Variants in MAPK10 observed in about 807,000 individuals in gnomAD.
MAPK10 encodes the protein mitogen-activated protein kinase 10.
Under a neutral mutation model 59.3 loss-of-function variants are expected in MAPK10, and 25 were observed. The observed-to-expected ratio is 0.42, with a 90% CI of 0.31 to 0.59. MAPK10 has a LOEUF of 0.59. Ranked by LOEUF, MAPK10 falls within the 20% of genes least tolerant of loss-of-function variation. The pLI is 0.15. For missense variants in MAPK10, 351 were observed against 568.9 expected, an observed-to-expected ratio of 0.62 and a Z score of 3.90; for synonymous variants, 190 against 200.5, an observed-to-expected ratio of 0.95 and a Z score of 0.44.
At chr4:86,395,351 T>C (rs1460267203) in intron 1 of MAPK10, among the ~76,000 whole-genome samples, 2 of 152,234 alleles carry the variant, frequency 1.3e-5, no homozygotes, top group Non-Finnish European at 2.9e-5. Context: ...ATAATTCCTA[T>C]TTTTTAGCTA....
intron 1 of MAPK10, among the ~76,000 whole-genome samples, chr4:86,546,772 G>A (rs1223319047): frequency 6.6e-6 from 1 of 152,112 alleles, no homozygotes; most frequent in Admixed American, 6.5e-5. Flanking sequence ...AAGTTCAAAA[G>A]GGGCTGGGCG....
chr4:86,338,168 G>A (rs181047128), intron 2 of MAPK10, among the ~76,000 whole-genome samples: 9 of 152,088 alleles, frequency 5.9e-5, no homozygotes, highest in Admixed American at 2.6e-4. Context: ...TGACCATTTC[G>A]TGACCCGGCC....
At chr4:86,530,904 T>C (rs1239815324) in intron 1 of MAPK10, among the ~76,000 whole-genome samples, 1 of 152,172 alleles carries the variant, frequency 6.6e-6, no homozygotes, top group Non-Finnish European at 1.5e-5. Context: ...TGGGTGTAAA[T>C]GAGACAAGAA....
In MAPK10 at chr4:86,056,130, TAC is replaced by T. The variant is rs1230973714; in HGVS notation, c.1110+8134_1110+8135del. Among the ~76,000 whole-genome samples the T allele has an allele frequency of 1.3e-5, 2 of 150,162 alleles. 1 individual carries two copies. Among genetic ancestry groups the T allele is most frequent in the Non-Finnish European group, 3.0e-5 (2 of 67,606 alleles). ...AATCCCCTTTCCTCCCAACGGGAGA[TAC>T]AGTCTGTATAGAGAGCTGTTTGCAT... On this transcript the variant is annotated intron_variant, in intron 11 of 13. Coordinates refer to ENST00000641462, the MANE Select transcript of MAPK10 (RefSeq NM_138982.4).
At chr4:86,086,823 GTTAA>G (rs767670356) in intron 9 of MAPK10, among the ~76,000 whole-genome samples, 3 of 151,950 alleles carry the variant, frequency 2.0e-5, no homozygotes, top group Non-Finnish European at 4.4e-5. Context: ...ACATTAAGAG[GTTAA>G]TTATTTGATA....
intron 1 of MAPK10, among the ~76,000 whole-genome samples, chr4:86,477,356 A>G (rs948564186): frequency 2.6e-5 from 4 of 152,090 alleles, no homozygotes; most frequent in Admixed American, 2.6e-4. Flanking sequence ...AGGCCAAGAC[A>G]CTTTAACTAA....
At chr4:86,373,353 A>G (rs892505646) in intron 1 of MAPK10, among the ~76,000 whole-genome samples, 4 of 152,196 alleles carry the variant, frequency 2.6e-5, no homozygotes, top group African/African-American at 9.7e-5. Flanking sequence ...GCATGGACAA[A>G]GACTTCATGA....
chr4:86,170,728 T>C (rs2073861927), intron 3 of MAPK10, among the ~76,000 whole-genome samples: 1 of 151,814 alleles, frequency 6.6e-6, no homozygotes, highest in Admixed American at 6.6e-5. Flanking sequence ...GCGGACCTAA[T>C]AGACATCTAC....
chr4:86,124,439 T>A (rs1267298545), intron 4 of MAPK10: 2 of 151,934 alleles, frequency 1.3e-5, no homozygotes, highest in Non-Finnish European at 2.9e-5. Context: ...GAAAAATAAC[T>A]TTTTATACAT....
intron 1 of MAPK10, among the ~76,000 whole-genome samples, chr4:86,467,645 G>C (rs984227565): frequency 6.6e-6 from 1 of 152,062 alleles, no homozygotes. Flanking sequence ...TCAGCCTCCT[G>C]AGTAGCTGGG....
chr4:86,582,566 T>C (rs981147408), intron 1 of MAPK10, among the ~76,000 whole-genome samples: 1 of 152,208 alleles, frequency 6.6e-6, no homozygotes, highest in Non-Finnish European at 1.5e-5. Context: ...AGCTATTCCA[T>C]TTACTTGGCT....
At chr4:86,046,117 G>A (rs2042445639) in intron 11 of MAPK10, among the ~76,000 whole-genome samples, 2 of 150,794 alleles carry the variant, frequency 1.3e-5, no homozygotes, top group African/African-American at 2.4e-5. Flanking sequence ...TCTGTTATTC[G>A]TGTATAAGAA....
chr4:86,273,201 T>C (rs558855525), intron 2 of MAPK10, among the ~76,000 whole-genome samples: 16 of 151,932 alleles, frequency 1.1e-4, no homozygotes, highest in African/African-American at 3.9e-4. Flanking sequence ...TCTAACGTAA[T>C]AAAAAGAAAA....
At chr4:86,101,808 C>A in intron 7 of MAPK10, 86 bp downstream of exon 7, 2 of 1,366,846 alleles carry the variant, frequency 1.5e-6, no homozygotes, top group Middle Eastern at 1.8e-4. Flanking sequence ...TATATTTGAC[C>A]AATGCCCCCC....
At chr4:86,526,574 T>TAAATTG (rs1430448250) in intron 1 of MAPK10, among the ~76,000 whole-genome samples, 2 of 152,194 alleles carry the variant, frequency 1.3e-5, no homozygotes, top group Admixed American at 1.3e-4. Flanking sequence ...CCCAATTTCC[T>TAAATTG]GGACTTTGGC....
chr4:86,063,395 T>G (rs549150860), intron 11 of MAPK10, among the ~76,000 whole-genome samples: 1 of 152,298 alleles, frequency 6.6e-6, no homozygotes, highest in South Asian at 2.1e-4. Flanking sequence ...TGGAAGGTAT[T>G]ATGTAAAAAA....
intron 1 of MAPK10, among the ~76,000 whole-genome samples, chr4:86,548,377 C>A (rs1444725887): frequency 6.6e-6 from 1 of 152,198 alleles, no homozygotes; most frequent in South Asian, 2.1e-4. Context: ...CTGTAACACT[C>A]ACCACGAGGG....
rs983640088 is a variant in MAPK10 at position 86,074,101 on chromosome 4, A to C, written c.803-6146T>G. On this transcript the variant is annotated intron_variant, in intron 9 of 13. Coordinates refer to ENST00000641462, the MANE Select transcript of MAPK10 (RefSeq NM_138982.4). ...TCCTGTATTGGGTGCATATATATTTAGGATAGTTAGCTCTTCTTGTTGAAT... is the reference window on the plus strand; with the variant it reads ...TCCTGTATTGGGTGCATATATATTTCGGATAGTTAGCTCTTCTTGTTGAAT... 1.1e-4 allele frequency among the ~76,000 whole-genome samples: 12 copies of C among 110,682 alleles called. 2 individuals are homozygous for C. The highest frequency in any genetic ancestry group is 4.8e-4 in the African/African-American group (12 of 24,950). The allele number at this position is 110,682 out of a possible 152,430, so 72.6% of individuals were successfully genotyped here.
intron 3 of MAPK10, among the ~76,000 whole-genome samples, chr4:86,187,051 T>C (rs1186030119): frequency 6.6e-6 from 1 of 152,126 alleles, no homozygotes. Context: ...CTGTATATTA[T>C]TATAGTGGGT....
Sources: allele counts gnomAD v4.1 joint callset (sites outside exome capture counted in the v4.1 genomes callset), GRCh38; gene constraint gnomAD v4.1.1; transcripts MANE v1.5; gene names NCBI Gene and HGNC (gene_info 2026-07-23, HGNC 2026-07-21).